GMEB2: variants seen among roughly 807,000 people sequenced by gnomAD.
GMEB2 encodes glucocorticoid modulatory element binding protein 2.
In GMEB2, 7 loss-of-function variants were observed where a neutral mutation model predicts 45.7. That is an observed-to-expected ratio of 0.15 (90% CI 0.09 to 0.29). The LOEUF (loss-of-function observed/expected upper bound fraction) is 0.29. GMEB2 is among the 10% of genes least tolerant of loss of function. The probability of loss-of-function intolerance (pLI) is 1.00; values close to 1 mark genes in which losing one functional copy is unlikely to be tolerated. For synonymous variants in GMEB2, 322 were observed against 323.6 expected, an observed-to-expected ratio of 1.00 and a Z score of 0.05; for missense variants, 582 against 739.2, an observed-to-expected ratio of 0.79 and a Z score of 2.47.
intron 6 of GMEB2, among the ~76,000 whole-genome samples, chr20:63,594,658 T>A (rs1030472210): frequency 6.6e-6 from 1 of 152,116 alleles, no homozygotes. Context: ...AGTGGCAGCT[T>A]AGGGACAATG....
intron 1 of GMEB2, among the ~76,000 whole-genome samples, chr20:63,620,380 C>T (rs184289443): frequency 6.6e-6 from 1 of 152,212 alleles, no homozygotes; most frequent in African/African-American, 2.4e-5. Flanking sequence ...GTTGCCCTCT[C>T]ACTCTCCATC....
chr20:63,608,838 C>A lies in GMEB2; in HGVS notation c.132-3998G>T, dbSNP rs369694368. On this transcript the variant is annotated intron_variant, in intron 2 of 9. Coordinates refer to ENST00000370077, the MANE Select transcript of GMEB2 (RefSeq NM_012384.5). ...AGAAACATGCCCCTCTGACCCACAC[C>A]TCCATTTCTAGAAACATGCCCCTCT... Among the ~76,000 whole-genome samples the A allele has an allele frequency of 1.5e-3, 58 of 38,408 alleles. 6 individuals are homozygous for A. Among genetic ancestry groups the A allele is most frequent in the Non-Finnish European group, 1.9e-3 (25 of 12,982 alleles). 25.2% of individuals were successfully genotyped at this position (38,408 alleles called of 152,430 possible).
At chr20:63,597,335 T>C (rs1225647828) in intron 5 of GMEB2, among the ~76,000 whole-genome samples, 1 of 151,972 alleles carries the variant, frequency 6.6e-6, no homozygotes, top group Non-Finnish European at 1.5e-5. Flanking sequence ...TAATTTTTTT[T>C]TTATTTTTAG....
rs1245473812 is a variant in GMEB2, at chr20:63,599,128, A to AC, written c.358-1269dup. 3.8e-4 allele frequency among the ~76,000 whole-genome samples: 57 copies of AC among 151,020 alleles called. 2 individuals carry two copies. The highest frequency in any genetic ancestry group is 1.3e-3 in the African/African-American group (55 of 41,030). On this transcript the variant is annotated intron_variant, in intron 4 of 9. Coordinates refer to ENST00000370077, the MANE Select transcript of GMEB2 (RefSeq NM_012384.5). ...CCCAGAGCTAACGCGGCCACTCCTG[A>AC]CCCCCCAGAGCTAACGCAGCCGCTC...
chr20:63,614,004 G>C (rs2089589499), intron 2 of GMEB2, among the ~76,000 whole-genome samples: 1 of 152,036 alleles, frequency 6.6e-6, no homozygotes, highest in Admixed American at 6.5e-5. Context: ...AGACCCCCTA[G>C]GATGTGAAGG....
intron 4 of GMEB2, among the ~76,000 whole-genome samples, chr20:63,598,867 G>A (rs1282587717): frequency 2.0e-5 from 3 of 152,158 alleles, no homozygotes; most frequent in East Asian, 3.9e-4. Context: ...TCTACCCAAC[G>A]TGGCTCACAC....
chr20:63,605,951 T>C (rs1428803953), intron 2 of GMEB2, among the ~76,000 whole-genome samples: 1 of 151,428 alleles, frequency 6.6e-6, no homozygotes, highest in Non-Finnish European at 1.5e-5. Context: ...CAAGACTCTG[T>C]CTCAGGGGAA....
rs181853498 is a variant in GMEB2 at position 63,603,705 on chromosome 20, G to A, written c.230-613C>T. Among the ~76,000 whole-genome samples, 333 of 151,544 alleles carry A rather than the reference G, an allele frequency of 2.2e-3. 1 individual carries two copies. Among genetic ancestry groups the A allele is most frequent in the African/African-American group, 7.3e-3 (302 of 41,278 alleles). ...TGCAGTGAGTCGAGATCGCGCCACCGCACTCCAGCCTGGGTGACAGAGCAA... is the reference window on the plus strand; with the variant it reads ...TGCAGTGAGTCGAGATCGCGCCACCACACTCCAGCCTGGGTGACAGAGCAA... On this transcript the variant is annotated intron_variant, in intron 3 of 9. Transcript: ENST00000370077.
chr20:63,625,136 TTG>T (rs1402009124), intron 1 of GMEB2, among the ~76,000 whole-genome samples: 1 of 152,162 alleles, frequency 6.6e-6, no homozygotes, highest in Non-Finnish European at 1.5e-5. Context: ...CCTCGCCCTA[TTG>T]CCTTCCCAAG....
chr20:63,602,885 C>G (rs985182919), intron 4 of GMEB2, 80 bp downstream of exon 4: 2 of 1,333,788 alleles, frequency 1.5e-6, no homozygotes, highest in Non-Finnish European at 2.1e-6. Context: ...TCAGGATGCA[C>G]TCAGCACAGC....
intron 5 of GMEB2, among the ~76,000 whole-genome samples, chr20:63,596,745 C>T (rs1484720715): frequency 3.3e-5 from 5 of 152,202 alleles, no homozygotes; most frequent in Non-Finnish European, 5.9e-5. Context: ...AGGCCGGGCA[C>T]GGTGGCTCAT....
chr20:63,625,871 C>G (rs1311553698), intron 1 of GMEB2, among the ~76,000 whole-genome samples: 1 of 152,002 alleles, frequency 6.6e-6, no homozygotes, highest in East Asian at 1.9e-4. Context: ...GGTGGGATTA[C>G]AGGTGTGAGC....
chr20:63,590,233 C>T lies in GMEB2; in HGVS notation c.1449G>A (p.Leu483=). Residue 483 remains leucine (L), a synonymous_variant, in exon 10 of 10, where the codon CTG becomes CTA. Coordinates refer to ENST00000370077, the MANE Select transcript of GMEB2 (RefSeq NM_012384.5). ...GGGCCACGTTCTGCAGGGTGGGGCC[C>T]AGGCCAGGCAACGTGAGCAGCTGTA... The part of the protein sequence containing the change: ...SPLQLLTLPG[L]GPTLQNVAQA... 1 of 1,611,744 alleles carries T rather than the reference C, an allele frequency of 6.2e-7. No homozygotes were observed. The highest frequency in any genetic ancestry group is 8.5e-7 in the Non-Finnish European group (1 of 1,179,676).
chr20:63,615,479 A>C (rs984043560), intron 2 of GMEB2, among the ~76,000 whole-genome samples: 1 of 151,954 alleles, frequency 6.6e-6, no homozygotes, highest in African/African-American at 2.4e-5. Flanking sequence ...GGTGCATGCC[A>C]CCACACCCAA....
intron 2 of GMEB2, among the ~76,000 whole-genome samples, chr20:63,612,178 A>T (rs538718099): frequency 2.3e-4 from 35 of 152,374 alleles, no homozygotes; most frequent in Non-Finnish European, 2.5e-4. Context: ...TAGAAAATTT[A>T]AAAAAGAGAT....
chr20:63,624,907 C>T (rs1369706625), intron 1 of GMEB2, among the ~76,000 whole-genome samples: 1 of 152,022 alleles, frequency 6.6e-6, no homozygotes, highest in Non-Finnish European at 1.5e-5. Flanking sequence ...GGGGTTTCAC[C>T]ATGTTGGCCA....
At position 63,588,659 on chromosome 20, in the gene GMEB2, A is replaced by AGAG. The variant is rs2083115638; in HGVS notation, c.*1429_*1430insCTC. On this transcript the variant is annotated 3_prime_UTR_variant, in exon 10 of 10. Coordinates refer to ENST00000370077, the MANE Select transcript of GMEB2 (RefSeq NM_012384.5). ...CCGCTCACTGGACGGACAGCCAGCC[A>AGAG]GTTCCCTTCGGAGCAGTGAAGTGGG... The AGAG allele has an allele frequency of 5.0e-6, 2 of 398,056 alleles. No individual in the cohort carries two copies. The highest frequency in any genetic ancestry group is 2.8e-4 in the South Asian group (2 of 7,136). The allele number at this position is 398,056 out of a possible 1,614,324, so 24.7% of individuals were successfully genotyped here.
chr20:63,609,928 C>T (rs2089556354), intron 2 of GMEB2, among the ~76,000 whole-genome samples: 1 of 148,592 alleles, frequency 6.7e-6, no homozygotes, highest in Non-Finnish European at 1.5e-5. Flanking sequence ...CCTCTGACCC[C>T]ACCTCCATTT....
At chr20:63,623,545 T>A (rs1334727168) in intron 1 of GMEB2, among the ~76,000 whole-genome samples, 1 of 152,114 alleles carries the variant, frequency 6.6e-6, no homozygotes, top group Non-Finnish European at 1.5e-5. Context: ...ACACTTGTAA[T>A]CCCAGCACTT....
Sources: gnomAD v4.1 joint callset for allele counts (sites outside exome capture counted in the v4.1 genomes callset) on GRCh38, gnomAD v4.1.1 for gene constraint, MANE v1.5 for transcripts, NCBI Gene and HGNC (gene_info 2026-07-23, HGNC 2026-07-21) for gene names.